Variants in SLC24A2 observed in about 807,000 individuals in gnomAD.
SLC24A2 encodes sodium/potassium/calcium exchanger 2.
In SLC24A2, 36 loss-of-function variants were observed where a neutral mutation model predicts 62.0. The observed-to-expected ratio is 0.58, with a 90% CI of 0.44 to 0.77. The LOEUF is 0.77. Among genes scored for constraint, SLC24A2 ranks in the 30% least tolerant of loss-of-function variants. SLC24A2 has a pLI of 0.00. For missense variants in SLC24A2, 846 were observed against 817.9 expected (o/e 1.03, Z -0.42); for synonymous variants, 358 against 294.0 (o/e 1.22, Z -2.23).
the SLC24A2 span, among the ~76,000 whole-genome samples, chr9:19,976,496 G>A: frequency 6.6e-6 from 1 of 152,150 alleles, no homozygotes; most frequent in African/African-American, 2.4e-5. Context: ...ACCTTCTACT[G>A]TGACTGTAAA....
At chr9:19,806,334 G>C in the SLC24A2 span, among the ~76,000 whole-genome samples, 1 of 152,288 alleles carries the variant, frequency 6.6e-6, no homozygotes, top group South Asian at 2.1e-4. Flanking sequence ...ATTAGTTGTA[G>C]AGTTTATTTG....
At chr9:19,746,936 C>T (rs1285195063) in intron 2 of SLC24A2, among the ~76,000 whole-genome samples, 1 of 152,052 alleles carries the variant, frequency 6.6e-6, no homozygotes, top group African/African-American at 2.4e-5. Context: ...AATTTTATTT[C>T]AGAGCAATAC....
chr9:20,089,167 C>T, the SLC24A2 span, among the ~76,000 whole-genome samples: 1 of 152,154 alleles, frequency 6.6e-6, no homozygotes, highest in Non-Finnish European at 1.5e-5. Flanking sequence ...CTTGCTGTCT[C>T]CAGGCTCTGG....
At chr9:20,279,557 A>C in the SLC24A2 span, among the ~76,000 whole-genome samples, 1 of 152,190 alleles carries the variant, frequency 6.6e-6, no homozygotes, top group Non-Finnish European at 1.5e-5. Flanking sequence ...AATAAAAATA[A>C]AGGCTATTTT....
chr9:20,084,305 G>C, the SLC24A2 span, among the ~76,000 whole-genome samples: 1 of 152,142 alleles, frequency 6.6e-6, no homozygotes, highest in Admixed American at 6.5e-5. Context: ...TAGTTGATTT[G>C]TCCTGGCTAG....
At chr9:20,261,270 A>G in the SLC24A2 span, among the ~76,000 whole-genome samples, 1 of 152,152 alleles carries the variant, frequency 6.6e-6, no homozygotes. Context: ...AATAATTGAC[A>G]GACTTCATAA....
intron 8 of SLC24A2, among the ~76,000 whole-genome samples, chr9:19,544,945 T>C (rs1158907567): frequency 6.6e-6 from 1 of 152,220 alleles, no homozygotes; most frequent in African/African-American, 2.4e-5. Context: ...TGGTGTTCTC[T>C]GTATTTCCTG....
At chr9:19,708,970 C>T (rs1247863883) in intron 2 of SLC24A2, among the ~76,000 whole-genome samples, 6 of 151,994 alleles carry the variant, frequency 3.9e-5, no homozygotes, top group Admixed American at 3.9e-4. Flanking sequence ...TGAATGGCAA[C>T]CTACAAAATG....
chr9:19,941,238 AAAT>A, the SLC24A2 span, among the ~76,000 whole-genome samples: 1 of 117,008 alleles, frequency 8.5e-6, no homozygotes, highest in Non-Finnish European at 2.0e-5. Flanking sequence ...GAGTAGAGAC[AAAT>A]AAAAAAAATC....
At chr9:20,160,359 C>T in the SLC24A2 span, among the ~76,000 whole-genome samples, 5 of 151,328 alleles carry the variant, frequency 3.3e-5, no homozygotes, top group East Asian at 1.9e-4. Flanking sequence ...CTTTAACATA[C>T]TACTCTCATA....
the SLC24A2 span, among the ~76,000 whole-genome samples, chr9:19,976,885 G>T: frequency 6.6e-6 from 1 of 152,064 alleles, no homozygotes; most frequent in Non-Finnish European, 1.5e-5. Flanking sequence ...AGATCCCTGA[G>T]CCCTAGTCTG....
At chr9:19,798,967 A>G in the SLC24A2 span, among the ~76,000 whole-genome samples, 2 of 151,950 alleles carry the variant, frequency 1.3e-5, no homozygotes, top group African/African-American at 2.4e-5. Context: ...CATCCTCTGT[A>G]GAATCTCCTC....
the SLC24A2 span, among the ~76,000 whole-genome samples, chr9:20,049,738 G>C: frequency 6.6e-6 from 1 of 152,066 alleles, no homozygotes; most frequent in Non-Finnish European, 1.5e-5. Context: ...GAAACCAAAA[G>C]GTTTAGCAAC....
chr9:20,264,912 G>A, the SLC24A2 span, among the ~76,000 whole-genome samples: 1 of 152,182 alleles, frequency 6.6e-6, no homozygotes, highest in Non-Finnish European at 1.5e-5. Context: ...GACGGCTCAG[G>A]AGTCACTGTT....
intron 5 of SLC24A2, among the ~76,000 whole-genome samples, chr9:19,584,371 G>C (rs1836302753): frequency 6.6e-6 from 1 of 150,740 alleles, no homozygotes; most frequent in African/African-American, 2.5e-5. Flanking sequence ...TGGTGAATAA[G>C]ACAGATCTGG....
chr9:19,925,136 C>G, the SLC24A2 span, among the ~76,000 whole-genome samples: 2 of 152,302 alleles, frequency 1.3e-5, no homozygotes, highest in South Asian at 4.1e-4. Context: ...ACCCCACAGA[C>G]CTGCACAGAT....
the SLC24A2 span, among the ~76,000 whole-genome samples, chr9:19,996,393 A>G: frequency 1.3e-5 from 2 of 152,164 alleles, no homozygotes; most frequent in Non-Finnish European, 2.9e-5. Flanking sequence ...TCCGTAACAT[A>G]TTTATATTTG....
intron 5 of SLC24A2, among the ~76,000 whole-genome samples, chr9:19,589,694 G>C (rs1287436223): frequency 1.3e-5 from 2 of 151,916 alleles, no homozygotes; most frequent in Non-Finnish European, 2.9e-5. Flanking sequence ...ATATGAACTA[G>C]ATCAAATAAT....
At chr9:19,968,426 CTG>C in the SLC24A2 span, among the ~76,000 whole-genome samples, 2 of 152,196 alleles carry the variant, frequency 1.3e-5, no homozygotes, top group African/African-American at 4.8e-5. Context: ...AGATACAAAA[CTG>C]TATTACAATT....
Sources: allele counts gnomAD v4.1 joint callset (sites outside exome capture counted in the v4.1 genomes callset), GRCh38; gene constraint gnomAD v4.1.1; transcripts MANE v1.5; gene names NCBI Gene and HGNC (gene_info 2026-07-23, HGNC 2026-07-21).